CDH13: variants seen among roughly 807,000 people sequenced by gnomAD.
The protein encoded by CDH13 is cadherin-13.
A neutral mutation model predicts 63.8 loss-of-function variants in CDH13; 24 were observed. The observed-to-expected ratio is 0.38, with a 90% CI of 0.27 to 0.53. CDH13 has a LOEUF of 0.53. Ranked by LOEUF, CDH13 falls within the 20% of genes least tolerant of loss-of-function variation. The pLI, the probability that CDH13 is intolerant of heterozygous loss-of-function variation, is 0.85. For synonymous variants in CDH13, 503 were observed against 355.3 expected (o/e 1.42, Z -4.67); for missense variants, 1,049 against 903.1 (o/e 1.16, Z -2.07).
chr16:82,760,546 A>G (rs1038550575), intron 1 of CDH13, among the ~76,000 whole-genome samples: 1 of 152,274 alleles, frequency 6.6e-6, no homozygotes, highest in South Asian at 2.1e-4. Context: ...TACCAGTTAT[A>G]TGGTATTTAT....
chr16:83,158,334 ACT>A (rs1343363880), intron 4 of CDH13, among the ~76,000 whole-genome samples: 1 of 151,930 alleles, frequency 6.6e-6, no homozygotes, highest in Non-Finnish European at 1.5e-5. Context: ...TCCTCACTGC[ACT>A]GTGCTGTGCA....
At chr16:82,744,779 A>T (rs138931521) in intron 1 of CDH13, among the ~76,000 whole-genome samples, 1 of 152,268 alleles carries the variant, frequency 6.6e-6, no homozygotes, top group Non-Finnish European at 1.5e-5. Flanking sequence ...GGATGAATTT[A>T]TGTTTCTTGT....
chr16:83,394,899 A>G (rs11859692), intron 6 of CDH13, among the ~76,000 whole-genome samples: 46,640 of 151,938 alleles, frequency 0.31, 7,568 homozygotes, highest in Middle Eastern at 0.38. Context: ...TGTAATCCCA[A>G]CACTCTGGGA....
intron 3 of CDH13, among the ~76,000 whole-genome samples, chr16:83,076,327 T>C (rs188783533): frequency 3.9e-5 from 6 of 152,308 alleles, no homozygotes; most frequent in African/African-American, 1.2e-4. Context: ...GTATTGTAAG[T>C]GTCTGGATCA....
At chr16:82,896,559 G>C (rs1276582191) in intron 2 of CDH13, among the ~76,000 whole-genome samples, 1 of 151,716 alleles carries the variant, frequency 6.6e-6, no homozygotes, top group Non-Finnish European at 1.5e-5. Context: ...GCCTTCCAAA[G>C]AGATGGGATT....
chr16:83,501,952 C>A (rs958837935), intron 7 of CDH13, among the ~76,000 whole-genome samples: 21 of 152,180 alleles, frequency 1.4e-4, no homozygotes, highest in Non-Finnish European at 1.5e-5. Context: ...AGAGCTTGGG[C>A]TTAGGAATTC....
chr16:82,797,653 A>T (rs1432003640), intron 1 of CDH13, among the ~76,000 whole-genome samples: 2 of 152,180 alleles, frequency 1.3e-5, no homozygotes, highest in Non-Finnish European at 2.9e-5. Context: ...TTTAGGAAAA[A>T]AAAATTTAGA....
intron 3 of CDH13, among the ~76,000 whole-genome samples, chr16:83,093,711 G>C (rs2034045790): frequency 6.6e-6 from 1 of 152,142 alleles, no homozygotes; most frequent in Non-Finnish European, 1.5e-5. Context: ...CTTCATGCCG[G>C]AATTTGCTAG....
chr16:83,257,183 T>C (rs1335860275), intron 5 of CDH13, among the ~76,000 whole-genome samples: 2 of 151,680 alleles, frequency 1.3e-5, no homozygotes, highest in Admixed American at 1.3e-4. Context: ...TCCTCGAGGG[T>C]GAGTAGGAGA....
rs7184182 is a variant in CDH13 at position 83,347,949 on chromosome 16, T to G, written c.781+2943T>G. Among the ~76,000 whole-genome samples the G allele has an allele frequency of 3.9e-3, 590 of 152,202 alleles. 4 individuals are homozygous for G. The highest frequency in any genetic ancestry group is 0.013 in the African/African-American group (558 of 41,538). On this transcript the variant is annotated intron_variant, in intron 6 of 13. Coordinates refer to ENST00000567109, the MANE Select transcript of CDH13 (RefSeq NM_001257.5). The stretch of plus-strand genomic sequence containing the variant: ...GCTCAAGCCTGTAATCCCAGTACTT[T>G]GGGAGGCTGAGGTGTGTGGATCTTG...
At chr16:83,480,122 C>T (rs191730135) in intron 6 of CDH13, among the ~76,000 whole-genome samples, 19 of 152,128 alleles carry the variant, frequency 1.2e-4, no homozygotes, top group Non-Finnish European at 2.6e-4. Context: ...TCCAGGGGTT[C>T]AAGACCAGCC....
At chr16:83,608,419 G>C (rs941129299) in intron 8 of CDH13, among the ~76,000 whole-genome samples, 3 of 152,184 alleles carry the variant, frequency 2.0e-5, no homozygotes, top group African/African-American at 7.2e-5. Flanking sequence ...ATTTCTAAAA[G>C]TCAGTGTGGA....
At chr16:83,521,524 C>G (rs917063010) in intron 7 of CDH13, among the ~76,000 whole-genome samples, 1 of 152,136 alleles carries the variant, frequency 6.6e-6, no homozygotes, top group Non-Finnish European at 1.5e-5. Context: ...GACAGCTTAT[C>G]CCAGGGTATG....
chr16:82,961,589 A>AAAAAAAAAC (rs1907010618), intron 2 of CDH13, among the ~76,000 whole-genome samples: 12 of 151,298 alleles, frequency 7.9e-5, no homozygotes, highest in African/African-American at 2.9e-4. Context: ...AAAAAAAAAA[A>AAAAAAAAAC]AAAAAAACTA....
At chr16:83,315,059 C>T (rs940098065) in intron 5 of CDH13, among the ~76,000 whole-genome samples, 2 of 152,178 alleles carry the variant, frequency 1.3e-5, no homozygotes, top group African/African-American at 4.8e-5. Context: ...GTCACCCATG[C>T]TGACGTTACA....
At chr16:83,610,622 T>G (rs1908773059) in intron 8 of CDH13, among the ~76,000 whole-genome samples, 1 of 152,234 alleles carries the variant, frequency 6.6e-6, no homozygotes, top group South Asian at 2.1e-4. Context: ...GGGACTAACT[T>G]TTGTGAGACT....
At chr16:82,746,625 T>G (rs1466210726) in intron 1 of CDH13, among the ~76,000 whole-genome samples, 3 of 152,108 alleles carry the variant, frequency 2.0e-5, no homozygotes, top group African/African-American at 7.2e-5. Context: ...AGAGGCATAC[T>G]AGAAGAAATT....
rs77542720 is a variant in CDH13 at position 83,092,400 on chromosome 16, T to C, written c.367-32985T>C. Among the ~76,000 whole-genome samples, 1,454 of 152,334 alleles carry C rather than the reference T, an allele frequency of 9.5e-3. 58 individuals carry two copies. In the East Asian group the frequency reaches 0.15, roughly 15 times the overall value. Reference sequence around the variant, plus strand: ...CCTTGTAGTGATGGACACATTTTCATGAGGCAAGGTCTTAGATGATTAAAA... The same window carrying C: ...CCTTGTAGTGATGGACACATTTTCACGAGGCAAGGTCTTAGATGATTAAAA... On this transcript the variant is annotated intron_variant, in intron 3 of 13. Transcript: ENST00000567109.
At chr16:83,578,223 G>T (rs1905226754) in intron 7 of CDH13, among the ~76,000 whole-genome samples, 1 of 152,178 alleles carries the variant, frequency 6.6e-6, no homozygotes, top group Non-Finnish European at 1.5e-5. Flanking sequence ...TCCTGGAGCA[G>T]GAAGAGTGTC....
Sources: allele counts gnomAD v4.1 joint callset (sites outside exome capture counted in the v4.1 genomes callset), GRCh38; gene constraint gnomAD v4.1.1; transcripts MANE v1.5; gene names NCBI Gene and HGNC (gene_info 2026-07-23, HGNC 2026-07-21).